Variants in EIF4B observed in about 807,000 individuals in gnomAD.
EIF4B encodes eukaryotic translation initiation factor 4B.
Under a neutral mutation model 79.3 loss-of-function variants are expected in EIF4B, and 8 were observed. That is an observed-to-expected ratio of 0.10 (90% CI 0.06 to 0.18). The LOEUF (loss-of-function observed/expected upper bound fraction) is 0.18. EIF4B is among the 10% of genes least tolerant of loss of function. The pLI is 1.00. For missense variants in EIF4B, 515 were observed against 792.4 expected (o/e 0.65, Z 4.20); for synonymous variants, 238 against 274.7 (o/e 0.87, Z 1.32).
In EIF4B at chr12:53,016,620, C is replaced by T; in HGVS notation, c.151+10C>T. ...GACCTGGAAGGAGATGGTAACTTTT[C>T]TTTTGTCATCGTGTTTGGAATGTTT... On this transcript the variant is annotated intron_variant, in intron 2 of 14. Coordinates refer to ENST00000262056, the MANE Select transcript of EIF4B (RefSeq NM_001417.7). 1 of 1,565,792 alleles carries T rather than the reference C, an allele frequency of 6.4e-7. No individual in the cohort carries two copies. Among genetic ancestry groups the T allele is most frequent in the Non-Finnish European group, 8.6e-7 (1 of 1,160,060 alleles).
intron 1 of EIF4B, chr12:53,013,755 C>G (rs1232927799): frequency 6.6e-6 from 1 of 151,660 alleles, no homozygotes; most frequent in East Asian, 1.9e-4. Flanking sequence ...CCACTGCACT[C>G]CAGCCTGGAC....
intron 10 of EIF4B, among the ~76,000 whole-genome samples, chr12:53,035,690 G>A (rs1239899210): frequency 6.6e-6 from 1 of 151,972 alleles, no homozygotes; most frequent in African/African-American, 2.4e-5. Flanking sequence ...AAATTTTGTA[G>A]AGATGGTTTC....
intron 12 of EIF4B, 124 bp downstream of exon 12, chr12:53,038,535 C>A: frequency 1.1e-6 from 1 of 889,830 alleles, no homozygotes; most frequent in Non-Finnish European, 1.6e-6. Flanking sequence ...CTTGGGTTGG[C>A]CAGGCGCAGG....
rs1943508291 is a variant in EIF4B at position 53,034,732 on chromosome 12, T to C, written c.1306+23T>C. On this transcript the variant is annotated intron_variant, in intron 10 of 14. Coordinates refer to ENST00000262056, the MANE Select transcript of EIF4B (RefSeq NM_001417.7). The stretch of plus-strand genomic sequence containing the variant: ...GAAGTAAGTCAGACCAGGGTGGGTA[T>C]CGTGTTATTGCCGTTTTCCATAAAC... The C allele has an allele frequency of 1.9e-6, 3 of 1,613,536 alleles. No individual in the cohort carries two copies. The African/African-American group carries it at 4.0e-5, about 22-fold the overall frequency.
chr12:53,031,248 A>G (rs543953550), intron 8 of EIF4B, among the ~76,000 whole-genome samples: 1 of 152,280 alleles, frequency 6.6e-6, no homozygotes, highest in Admixed American at 6.5e-5. Context: ...TACCTCTGAC[A>G]TACACGGGCC....
chr12:53,032,895 T>A (rs1486932166), intron 8 of EIF4B, among the ~76,000 whole-genome samples: 1 of 152,148 alleles, frequency 6.6e-6, no homozygotes, highest in Non-Finnish European at 1.5e-5. Flanking sequence ...GGTCTCGAAC[T>A]CCTGATCTCA....
At position 53,006,502 on chromosome 12, in the gene EIF4B, C is replaced by T. The variant is rs1459021990; in HGVS notation, c.13+6C>T. ...TCCCAACATGGCGGCCTCAGGTGAG[C>T]GAGCAGCCGAGCGCGGCCAAGGACT... On this transcript the variant is annotated splice_donor_region_variant and intron_variant, in intron 1 of 14. Transcript: ENST00000262056. The T allele has an allele frequency of 1.2e-6, 2 of 1,613,514 alleles. No individual in the cohort carries two copies. The highest frequency in any genetic ancestry group is 1.7e-6 in the Non-Finnish European group (2 of 1,180,026).
Position 53,039,692 on chromosome 12 carries a change from A to C in EIF4B, c.1745A>C (p.Asn582Thr), listed in dbSNP as rs1265601443. The change falls in exon 14 of 15, where the codon AAT becomes ACT. Residue 582 changes from asparagine (N) to threonine (T), a missense_variant. Asn to Thr is a moderately conservative substitution (Grantham distance 65). This residue lies in a region of EIF4B where 60 missense variants were observed against 56.7 expected (regional missense o/e 1.06). Coordinates refer to ENST00000262056, the MANE Select transcript of EIF4B (RefSeq NM_001417.7). ...SAPEPKKPEE[N>T]PASKFSSASK... ...CCTGAGCCAAAGAAACCTGAGGAAA[A>C]TCCAGCTTCCGTAAGTGTTGAAGGC... is the stretch of plus-strand genomic sequence containing the variant. The C allele has an allele frequency of 6.2e-7, 1 of 1,613,692 alleles. No homozygotes were observed. The highest frequency in any genetic ancestry group is 1.1e-5 in the South Asian group (1 of 91,044).
intron 10 of EIF4B, 42 bp downstream of exon 10, chr12:53,034,751 C>T (rs370377688): frequency 8.7e-6 from 14 of 1,608,872 alleles, no homozygotes; most frequent in African/African-American, 8.0e-5. Context: ...TGCCGTTTTC[C>T]ATAAACTATC....
intron 1 of EIF4B, among the ~76,000 whole-genome samples, chr12:53,011,622 T>C (rs1486386290): frequency 1.3e-5 from 2 of 152,208 alleles, no homozygotes; most frequent in Non-Finnish European, 2.9e-5. Context: ...TCAGCAGTGC[T>C]GAGATAGAGA....
At chr12:53,011,422 C>T (rs1943061563) in intron 1 of EIF4B, among the ~76,000 whole-genome samples, 1 of 152,168 alleles carries the variant, frequency 6.6e-6, no homozygotes, top group Non-Finnish European at 1.5e-5. Flanking sequence ...TCACTTAGAA[C>T]ATGGTTCTCA....
In EIF4B at chr12:53,039,388, G is replaced by A. The variant is rs752875275; in HGVS notation, c.1682+45G>A. 1.0e-5 allele frequency: 15 copies of A among 1,460,238 alleles called. No individual in the cohort carries two copies. The South Asian group carries it at 1.8e-4, about 17-fold the overall frequency. 90.5% of individuals were successfully genotyped at this position (1,460,238 alleles called of 1,614,324 possible). ...CATCTTTCCTCTGATCCACATGTTT[G>A]TGTAATTAAGAAATTAAGTTCTTGG... On this transcript the variant is annotated intron_variant, in intron 13 of 14. Transcript: ENST00000262056.
At chr12:53,035,367 A>T (rs1387730924) in intron 10 of EIF4B, among the ~76,000 whole-genome samples, 8 of 146,960 alleles carry the variant, frequency 5.4e-5, no homozygotes, top group Admixed American at 1.4e-4. Context: ...TTTTTTATTT[A>T]TTTATTTTCT....
chr12:53,019,443 T>TCTTC (rs1943207182), intron 3 of EIF4B, among the ~76,000 whole-genome samples: 1 of 94,390 alleles, frequency 1.1e-5, no homozygotes. Flanking sequence ...ATATATTTTT[T>TCTTC]TTTTTTCTTT....
Position 53,037,264 on chromosome 12 carries a change from A to G in EIF4B, c.1307-145A>G, listed in dbSNP as rs1000168433. The G allele has an allele frequency of 8.3e-6, 7 of 842,236 alleles. No individual in the cohort carries two copies. In the African/African-American group the frequency reaches 1.0e-4, roughly 12 times the overall value. 52.2% of individuals were successfully genotyped at this position (842,236 alleles called of 1,614,324 possible). A position where few individuals can be genotyped will look rare whatever the true frequency, so the allele number is the denominator to read the frequency against. ...GCATCAGTAAGACATTGTTCTGGAA[A>G]TACTTGTAAACCACTGGTTTAGGGA... On this transcript the variant is annotated intron_variant, in intron 10 of 14. Transcript: ENST00000262056.
chr12:53,015,456 G>T (rs1943132792), intron 1 of EIF4B, among the ~76,000 whole-genome samples: 1 of 151,854 alleles, frequency 6.6e-6, no homozygotes, highest in Non-Finnish European at 1.5e-5. Context: ...GAGGCAGGAG[G>T]ATCACTTGAG....
chr12:53,016,979 G>A (rs567293063), intron 2 of EIF4B, among the ~76,000 whole-genome samples: 2 of 152,092 alleles, frequency 1.3e-5, no homozygotes, highest in African/African-American at 4.8e-5. Flanking sequence ...CAGGCTGCTC[G>A]CGATGGCTTA....
At chr12:53,022,302 A>G (rs1943257919) in intron 5 of EIF4B, 191 bp from the exon 6 acceptor site, 3 of 784,780 alleles carry the variant, frequency 3.8e-6, no homozygotes, top group East Asian at 2.7e-5. Context: ...TTAAACCAAT[A>G]GGAAAAAACG....
chr12:53,012,458 G>A (rs1943080276), intron 1 of EIF4B, among the ~76,000 whole-genome samples: 2 of 151,578 alleles, frequency 1.3e-5, no homozygotes, highest in African/African-American at 4.8e-5. Context: ...GGAGGCTGAG[G>A]CAGGAGAATC....
Sources: gnomAD v4.1 joint callset for allele counts (sites outside exome capture counted in the v4.1 genomes callset) on GRCh38, gnomAD v4.1.1 for gene constraint, gnomAD v4.1.1 regional missense constraint, MANE v1.5 for transcripts, NCBI Gene and HGNC (gene_info 2026-07-23, HGNC 2026-07-21) for gene names.